The following IFT80 variants were observed in gnomAD, a reference collection of about 807,000 sequenced individuals.
IFT80 encodes intraflagellar transport protein 80 homolog.
Under a neutral mutation model 107.9 loss-of-function variants are expected in IFT80, and 79 were observed. The ratio of observed to expected loss-of-function variants is 0.73; its 90% CI spans 0.61 to 0.88. The LOEUF is 0.88. Ranked by LOEUF, IFT80 falls within the 40% of genes least tolerant of loss-of-function variation. IFT80 has a pLI of 0.00. For synonymous variants in IFT80, 299 were observed against 300.9 expected (o/e 0.99, Z 0.07); for missense variants, 797 against 914.2 (o/e 0.87, Z 1.65).
intron 9 of IFT80, among the ~76,000 whole-genome samples, chr3:160,313,426 TTAAGATCCA>T (rs1280831623): frequency 6.6e-6 from 1 of 151,930 alleles, no homozygotes; most frequent in Non-Finnish European, 1.5e-5. Context: ...GATAGATTTC[TTAAGATCCA>T]TATTTCCCTA....
At chr3:160,319,688 T>G in intron 9 of IFT80, 72 bp downstream of exon 9, 1 of 1,221,496 alleles carries the variant, frequency 8.2e-7, no homozygotes. Context: ...TTAATGAAGA[T>G]AATTCCATAT....
At chr3:160,343,478 T>G (rs1391779856) in intron 8 of IFT80, among the ~76,000 whole-genome samples, 1 of 152,138 alleles carries the variant, frequency 6.6e-6, no homozygotes, top group African/African-American at 2.4e-5. Flanking sequence ...ACAATTTATT[T>G]ATAATAACTA....
At chr3:160,330,789 C>T (rs1719036380) in intron 8 of IFT80, among the ~76,000 whole-genome samples, 1 of 152,150 alleles carries the variant, frequency 6.6e-6, no homozygotes, top group Admixed American at 6.6e-5. Context: ...ATGGCTAATT[C>T]TCATCTCCTC....
intron 18 of IFT80, among the ~76,000 whole-genome samples, chr3:160,273,678 T>A (rs989626242): frequency 6.6e-6 from 1 of 152,116 alleles, no homozygotes; most frequent in Admixed American, 6.6e-5. Flanking sequence ...AAATGTTAAG[T>A]AGGTAGTTGG....
intron 11 of IFT80, among the ~76,000 whole-genome samples, chr3:160,301,523 T>C (rs933354181): frequency 1.3e-5 from 2 of 151,842 alleles, no homozygotes; most frequent in African/African-American, 4.8e-5. Context: ...GCAGTGAAAA[T>C]GACTAAAAAA....
intron 8 of IFT80, among the ~76,000 whole-genome samples, chr3:160,337,286 GAGTTCTTACATGTTTATAAT>G (rs1203579178): frequency 6.6e-6 from 1 of 152,108 alleles, no homozygotes; most frequent in Non-Finnish European, 1.5e-5. Flanking sequence ...AACATTCCGT[GAGTTCTTACATGTTTATAAT>G]AGTTTGATTA....
intron 11 of IFT80, 51 bp downstream of exon 11, chr3:160,303,864 T>C (rs979316429): frequency 1.8e-6 from 2 of 1,141,972 alleles, no homozygotes; most frequent in Non-Finnish European, 1.3e-6. Flanking sequence ...AAGAGTGCTT[T>C]AATGCTATTT....
intron 8 of IFT80, among the ~76,000 whole-genome samples, chr3:160,339,094 T>C (rs1719700080): frequency 6.6e-6 from 1 of 152,204 alleles, no homozygotes; most frequent in African/African-American, 2.4e-5. Context: ...ATATTGATAA[T>C]GTTCTTTATT....
intron 18 of IFT80, among the ~76,000 whole-genome samples, chr3:160,272,792 T>A (rs1268856485): frequency 1.3e-5 from 2 of 152,174 alleles, no homozygotes; most frequent in Non-Finnish European, 2.9e-5. Context: ...ATGAACTGGA[T>A]GTAGAAATTC....
chr3:160,294,317 C>T (rs1477519447), intron 12 of IFT80, among the ~76,000 whole-genome samples: 2 of 152,144 alleles, frequency 1.3e-5, no homozygotes, highest in African/African-American at 4.8e-5. Flanking sequence ...CTCAAGAGGG[C>T]TCAAGCTATC....
intron 12 of IFT80, among the ~76,000 whole-genome samples, chr3:160,297,847 T>C (rs1002216099): frequency 2.0e-5 from 3 of 152,136 alleles, no homozygotes; most frequent in African/African-American, 7.2e-5. Flanking sequence ...ACTTTTTCCA[T>C]AACTGTAAGT....
At chr3:160,367,696 G>C (rs538497423) in intron 5 of IFT80, among the ~76,000 whole-genome samples, 19 of 152,028 alleles carry the variant, frequency 1.2e-4, no homozygotes, top group Admixed American at 2.0e-4. Flanking sequence ...CATTACACTT[G>C]ATAGTGTTTT....
chr3:160,307,928 T>A (rs1449215696), intron 9 of IFT80, 147 bp from the exon 10 acceptor site: 1 of 625,096 alleles, frequency 1.6e-6, no homozygotes, highest in Non-Finnish European at 2.8e-6. Flanking sequence ...AAACTAGGCA[T>A]AAGATAGTAT....
chr3:160,315,072 G>GGAGGGAGGGAGA, intron 9 of IFT80, among the ~76,000 whole-genome samples: 1 of 131,806 alleles, frequency 7.6e-6, no homozygotes, highest in Non-Finnish European at 1.6e-5. Flanking sequence ...AGGGAGGGAG[G>GGAGGGAGGGAGA]GAGGGAGGGA....
At chr3:160,351,742 T>C (rs1160404214) in intron 8 of IFT80, among the ~76,000 whole-genome samples, 1 of 147,624 alleles carries the variant, frequency 6.8e-6, no homozygotes, top group African/African-American at 2.6e-5. Context: ...GATAACTGTA[T>C]AAAAGGATAT....
At chr3:160,290,650 G>A (rs548658751) in intron 12 of IFT80, among the ~76,000 whole-genome samples, 10 of 152,044 alleles carry the variant, frequency 6.6e-5, no homozygotes, top group African/African-American at 1.7e-4. Context: ...GTGCAATCTC[G>A]GCTCACTGCG....
chr3:160,297,537 T>C (rs915590384), intron 12 of IFT80, among the ~76,000 whole-genome samples: 2 of 152,086 alleles, frequency 1.3e-5, no homozygotes, highest in Non-Finnish European at 2.9e-5. Context: ...TAGTAAATCA[T>C]AGGATTTTAA....
intron 12 of IFT80, among the ~76,000 whole-genome samples, chr3:160,288,419 A>G (rs1715265890): frequency 6.6e-6 from 1 of 152,224 alleles, no homozygotes; most frequent in Non-Finnish European, 1.5e-5. Flanking sequence ...CATTCTGGAC[A>G]TGGGAACAAG....
At position 160,271,228 on chromosome 3, in the gene IFT80, T is replaced by C. The variant is rs892111785; in HGVS notation, c.2100-2692A>G. 3.3e-5 allele frequency among the ~76,000 whole-genome samples: 5 copies of C among 152,272 alleles called. No homozygotes were observed. The East Asian group carries it at 9.6e-4, about 29-fold the overall frequency. ...TTAGGAGGGAACTTACTCCAAATTA[T>C]CTAAGGGTTTTGGGAACAGTATGTC... On this transcript the variant is annotated intron_variant, in intron 18 of 19. Transcript: ENST00000326448.
Sources: gnomAD v4.1 joint callset for allele counts (sites outside exome capture counted in the v4.1 genomes callset) on GRCh38, gnomAD v4.1.1 for gene constraint, MANE v1.5 for transcripts, NCBI Gene and HGNC (gene_info 2026-07-23, HGNC 2026-07-21) for gene names.